Variants in PIP5K1B observed in about 807,000 individuals in gnomAD.
PIP5K1B encodes the protein phosphatidylinositol-4-phosphate 5-kinase type 1 beta.
PIP5K1B carries 42 observed loss-of-function variants against 67.0 expected under a neutral mutation model. The observed-to-expected ratio is 0.63, with a 90% CI of 0.49 to 0.81. PIP5K1B has a LOEUF of 0.81. Ranked by LOEUF, PIP5K1B falls within the 30% of genes least tolerant of loss-of-function variation. The pLI, the probability that PIP5K1B is intolerant of heterozygous loss-of-function variation, is 0.00. For missense variants in PIP5K1B, 459 were observed against 646.3 expected, an observed-to-expected ratio of 0.71 and a Z score of 3.14; for synonymous variants, 214 against 231.4, an observed-to-expected ratio of 0.92 and a Z score of 0.68.
chr9:68,753,771 G>A (rs750647398), intron 2 of PIP5K1B, among the ~76,000 whole-genome samples: 3 of 151,910 alleles, frequency 2.0e-5, no homozygotes, highest in South Asian at 2.1e-4. Flanking sequence ...TGATCTGCCC[G>A]CCTCGGCCTC....
intron 14 of PIP5K1B, among the ~76,000 whole-genome samples, chr9:68,944,706 T>C (rs1019796776): frequency 6.6e-6 from 1 of 152,174 alleles, no homozygotes; most frequent in African/African-American, 2.4e-5. Flanking sequence ...CTAACAGTCT[T>C]GTGCCCTCTT....
At chr9:69,008,148 T>C (rs531091392) in intron 15 of PIP5K1B, among the ~76,000 whole-genome samples, 1 of 152,340 alleles carries the variant, frequency 6.6e-6, no homozygotes, top group East Asian at 1.9e-4. Context: ...CTCATCCCTG[T>C]GCACTTGGAG....
intron 1 of PIP5K1B, among the ~76,000 whole-genome samples, chr9:68,714,018 G>GA (rs1210188516): frequency 6.6e-6 from 1 of 152,246 alleles, no homozygotes; most frequent in African/African-American, 2.4e-5. Flanking sequence ...TTCTGACTAT[G>GA]AAGCCCATAC....
At chr9:69,006,253 G>A (rs1451524171) in intron 15 of PIP5K1B, among the ~76,000 whole-genome samples, 1 of 152,082 alleles carries the variant, frequency 6.6e-6, no homozygotes, top group Admixed American at 6.5e-5. Flanking sequence ...CTGGGTTCTG[G>A]CTTCTGGGAT....
rs753302956 is a variant in PIP5K1B at position 68,863,881 on chromosome 9, A to G, written c.114A>G (p.Gly38=). ...AIKGAIQLGI[G]YTVGNLTSKP... ...AAGGTGCTATTCAGCTGGGAATAGG[A>G]TACACAGTGGGTAATCTCACTTCCA... Residue 38 remains glycine, a synonymous_variant, in exon 5 of 16, where the codon GGA becomes GGG. Coordinates refer to ENST00000265382, the MANE Select transcript of PIP5K1B (RefSeq NM_003558.4). The G allele has an allele frequency of 3.1e-6, 5 of 1,613,490 alleles. No homozygotes were observed. In the East Asian group the frequency reaches 1.1e-4, roughly 36 times the overall value.
chr9:68,961,212 G>A (rs1399003519), intron 14 of PIP5K1B, among the ~76,000 whole-genome samples: 7 of 105,966 alleles, frequency 6.6e-5, no homozygotes, highest in East Asian at 6.8e-4. Flanking sequence ...GCGAGACTCC[G>A]TCTCAAAAAA....
At chr9:68,898,256 C>T (rs903530512) in intron 8 of PIP5K1B, among the ~76,000 whole-genome samples, 1 of 152,190 alleles carries the variant, frequency 6.6e-6, no homozygotes, top group African/African-American at 2.4e-5. Context: ...TTTCCAAAAG[C>T]AGGCATCCAG....
intron 4 of PIP5K1B, chr9:68,824,289 C>T (rs1587508319): frequency 9.7e-6 from 5 of 517,724 alleles, no homozygotes; most frequent in East Asian, 5.5e-5. Context: ...GATCCTTTGT[C>T]GCTGCAAAAG....
At chr9:68,725,066 T>C (rs1174140149) in intron 1 of PIP5K1B, among the ~76,000 whole-genome samples, 1 of 152,220 alleles carries the variant, frequency 6.6e-6, no homozygotes, top group Non-Finnish European at 1.5e-5. Flanking sequence ...TCATTTATCA[T>C]TCTCACTATT....
At chr9:68,724,369 T>C (rs1828053578) in intron 1 of PIP5K1B, among the ~76,000 whole-genome samples, 1 of 152,110 alleles carries the variant, frequency 6.6e-6, no homozygotes, top group Non-Finnish European at 1.5e-5. Flanking sequence ...TCTTTAGCTA[T>C]TTTCAGTCTT....
At chr9:68,958,902 G>T (rs1301600656) in intron 14 of PIP5K1B, among the ~76,000 whole-genome samples, 1 of 152,150 alleles carries the variant, frequency 6.6e-6, no homozygotes, top group African/African-American at 2.4e-5. Context: ...TATCAGAAAT[G>T]TATGGCACTG....
chr9:68,751,683 C>A (rs1240711726), intron 2 of PIP5K1B, among the ~76,000 whole-genome samples: 3 of 152,090 alleles, frequency 2.0e-5, no homozygotes, highest in Non-Finnish European at 4.4e-5. Flanking sequence ...GAATGAGTTG[C>A]CTAGTTATGC....
intron 14 of PIP5K1B, among the ~76,000 whole-genome samples, chr9:68,981,513 C>T (rs1400230677): frequency 6.6e-6 from 1 of 152,154 alleles, no homozygotes; most frequent in East Asian, 1.9e-4. Flanking sequence ...TGCTTTTCAT[C>T]AGAAGTCATC....
intron 2 of PIP5K1B, among the ~76,000 whole-genome samples, chr9:68,743,387 A>G (rs564951410): frequency 6.6e-6 from 1 of 152,050 alleles, no homozygotes; most frequent in Non-Finnish European, 1.5e-5. Context: ...ATTCCAGTAT[A>G]AAGTTGGGGT....
At chr9:68,827,847 C>T (rs968839569) in intron 4 of PIP5K1B, among the ~76,000 whole-genome samples, 1 of 152,096 alleles carries the variant, frequency 6.6e-6, no homozygotes, top group African/African-American at 2.4e-5. Context: ...AAGCAGGAGG[C>T]GCAGGGCACG....
At position 68,844,706 on chromosome 9, in the gene PIP5K1B, C is replaced by T. The variant is rs1212843046; in HGVS notation, c.70-19131C>T. On this transcript the variant is annotated intron_variant, in intron 4 of 15. Transcript: ENST00000265382. ...CAACAACCAAAACAATTTAATAACG[C>T]TCTCTCAGAGTTCAAGAGAAAAGGA... Among the ~76,000 whole-genome samples the T allele has an allele frequency of 2.0e-5, 3 of 152,310 alleles. No homozygotes were observed. The East Asian group carries it at 5.8e-4, about 29-fold the overall frequency.
chr9:68,780,312 G>C (rs760265092), intron 2 of PIP5K1B: 2 of 1,601,824 alleles, frequency 1.2e-6, no homozygotes, highest in Middle Eastern at 1.7e-4. Context: ...CACTTCGCCG[G>C]TGTTCCAGGC....
chr9:69,005,117 T>TTA (rs1554755889), intron 15 of PIP5K1B, among the ~76,000 whole-genome samples: 32 of 145,604 alleles, frequency 2.2e-4, no homozygotes, highest in Middle Eastern at 3.5e-3. Flanking sequence ...ATCCTTAGTT[T>TTA]AAAAAAAAAA....
intron 14 of PIP5K1B, among the ~76,000 whole-genome samples, chr9:68,966,910 T>C (rs1392527087): frequency 6.6e-6 from 1 of 152,252 alleles, no homozygotes; most frequent in African/African-American, 2.4e-5. Context: ...TACAGCTGTA[T>C]GCAGAGAAGA....
Sources: allele counts gnomAD v4.1 joint callset (sites outside exome capture counted in the v4.1 genomes callset), GRCh38; gene constraint gnomAD v4.1.1; transcripts MANE v1.5; gene names NCBI Gene and HGNC (gene_info 2026-07-23, HGNC 2026-07-21).